The following PPP2R2C variants were observed in gnomAD, a reference collection of about 807,000 sequenced individuals.
PPP2R2C encodes the protein protein phosphatase 2, regulatory subunit B, gamma.
A neutral mutation model predicts 45.3 loss-of-function variants in PPP2R2C; 10 were observed. The observed-to-expected ratio is 0.22, with a 90% CI of 0.14 to 0.37. The LOEUF (loss-of-function observed/expected upper bound fraction) is 0.37, where lower values mean the gene tolerates loss of function less well. Ranked by LOEUF, PPP2R2C falls within the 10% of genes least tolerant of loss-of-function variation. The pLI, the probability that PPP2R2C is intolerant of heterozygous loss-of-function variation, is 1.00. For synonymous variants in PPP2R2C, 257 were observed against 245.4 expected, an observed-to-expected ratio of 1.05 and a Z score of -0.44; for missense variants, 308 against 619.7, an observed-to-expected ratio of 0.50 and a Z score of 5.34.
At chr4:6,463,365 G>C (rs1026757419) in intron 1 of PPP2R2C, among the ~76,000 whole-genome samples, 45 of 152,332 alleles carry the variant, frequency 3.0e-4, no homozygotes, top group African/African-American at 9.9e-4. Flanking sequence ...GAGGAGGGGT[G>C]GGGGTGGGGC....
chr4:6,434,364 TTTTTTTTTTTTG>T (rs1191477989), intron 1 of PPP2R2C, among the ~76,000 whole-genome samples: 2 of 139,564 alleles, frequency 1.4e-5, no homozygotes, highest in East Asian at 4.1e-4. Context: ...CTTTTCTTTT[TTTTTTTTTTTTG>T]GAGACAGAGT....
intron 2 of PPP2R2C, among the ~76,000 whole-genome samples, chr4:6,512,192 T>G (rs1403968255): frequency 2.4e-5 from 2 of 84,854 alleles, no homozygotes; most frequent in African/African-American, 1.2e-4. Context: ...GTGGTGGTGG[T>G]GGTGGTGATG....
intron 5 of PPP2R2C, among the ~76,000 whole-genome samples, chr4:6,358,410 C>A (rs1158743918): frequency 6.6e-6 from 1 of 151,768 alleles, no homozygotes; most frequent in Non-Finnish European, 1.5e-5. Context: ...CAATACCATT[C>A]AGGACATAGG....
chr4:6,511,363 GTGGTGGTGGCGGTGA>G (rs1180048441), intron 2 of PPP2R2C, among the ~76,000 whole-genome samples: 3 of 151,264 alleles, frequency 2.0e-5, no homozygotes, highest in African/African-American at 7.3e-5. Flanking sequence ...GATGGTAATG[GTGGTGGTGGCGGTGA>G]TGGTGGTGAT....
chr4:6,471,538 G>A lies in PPP2R2C; in HGVS notation c.70+622C>T, dbSNP rs142607373. 9.7e-3 allele frequency: 1,474 copies of A among 152,376 alleles called. 19 individuals are homozygous for A. Among genetic ancestry groups the A allele is most frequent in the Admixed American group, 0.014 (220 of 15,304 alleles). 9.4% of individuals were successfully genotyped at this position (152,376 alleles called of 1,614,324 possible). On this transcript the variant is annotated intron_variant, in intron 1 of 8. Coordinates refer to ENST00000382599, the MANE Select transcript of PPP2R2C (RefSeq NM_020416.4). The surrounding 1 kb of genome is among the most constrained non-coding windows in gnomAD (Gnocchi z 5.6). ...TTGGAAAATCCCGACAGTTAGCCCA[G>A]CTGCTCCTGTCTCAATATAACTCAC...
chr4:6,340,265 G>A (rs1423571109), intron 6 of PPP2R2C, among the ~76,000 whole-genome samples: 2 of 152,048 alleles, frequency 1.3e-5, no homozygotes, highest in African/African-American at 2.4e-5. Context: ...CCAGCCACAC[G>A]GGTCCTGACG....
At chr4:6,527,522 C>A (rs1724253666) in intron 2 of PPP2R2C, among the ~76,000 whole-genome samples, 1 of 152,208 alleles carries the variant, frequency 6.6e-6, no homozygotes, top group Non-Finnish European at 1.5e-5. Context: ...CATGAGAATA[C>A]CATGAGAACA....
intron 1 of PPP2R2C, among the ~76,000 whole-genome samples, chr4:6,426,273 G>A (rs1217289923): frequency 1.3e-5 from 2 of 152,180 alleles, no homozygotes; most frequent in Non-Finnish European, 2.9e-5. Flanking sequence ...GGAGGCGGTC[G>A]GAGACGGCCT....
At chr4:6,347,142 C>A (rs994736284) in intron 6 of PPP2R2C, among the ~76,000 whole-genome samples, 1 of 152,154 alleles carries the variant, frequency 6.6e-6, no homozygotes, top group African/African-American at 2.4e-5. Flanking sequence ...TGACCTTGGG[C>A]CAATAACTGG....
chr4:6,408,438 CAA>C (rs1717946463), intron 1 of PPP2R2C, among the ~76,000 whole-genome samples: 1 of 152,140 alleles, frequency 6.6e-6, no homozygotes, highest in Admixed American at 6.5e-5. Context: ...TAGAGGCAGC[CAA>C]TCACCAGGCC....
intron 2 of PPP2R2C, among the ~76,000 whole-genome samples, chr4:6,496,452 A>G (rs1055862865): frequency 6.6e-6 from 1 of 152,146 alleles, no homozygotes; most frequent in African/African-American, 2.4e-5. Flanking sequence ...ACACCCACCT[A>G]CAATCAACAT....
chr4:6,489,875 G>A (rs1281479675), intron 2 of PPP2R2C, among the ~76,000 whole-genome samples: 2 of 152,186 alleles, frequency 1.3e-5, no homozygotes, highest in African/African-American at 4.8e-5. Flanking sequence ...TAATACCAAA[G>A]AGAAATGGAT....
chr4:6,498,038 G>A (rs1213434793), intron 2 of PPP2R2C, among the ~76,000 whole-genome samples: 6 of 152,176 alleles, frequency 3.9e-5, no homozygotes, highest in Admixed American at 2.0e-4. Context: ...TAAAGCTGAC[G>A]TGCACACCCA....
chr4:6,436,226 G>A (rs1719887012), intron 1 of PPP2R2C, among the ~76,000 whole-genome samples: 2 of 152,184 alleles, frequency 1.3e-5, no homozygotes, highest in African/African-American at 4.8e-5. Context: ...CCAATCTATG[G>A]TATTCTGCTA....
At chr4:6,367,469 T>C (rs996070732) in intron 5 of PPP2R2C, among the ~76,000 whole-genome samples, 4 of 152,050 alleles carry the variant, frequency 2.6e-5, no homozygotes, top group Non-Finnish European at 5.9e-5. Context: ...CCCTGGGTTT[T>C]TCTTGTCAGG....
At chr4:6,516,695 G>A (rs996257568) in intron 2 of PPP2R2C, among the ~76,000 whole-genome samples, 1 of 152,210 alleles carries the variant, frequency 6.6e-6, no homozygotes, top group Non-Finnish European at 1.5e-5. Context: ...CCATTTGCTA[G>A]CCTGCACTTT....
intron 1 of PPP2R2C, chr4:6,382,886 T>G: frequency 9.1e-7 from 1 of 1,097,102 alleles, no homozygotes; most frequent in Non-Finnish European, 1.1e-6. Context: ...GGCACTCCCC[T>G]GCTCAAAACC....
chr4:6,415,236 C>T (rs1577163561), intron 1 of PPP2R2C, among the ~76,000 whole-genome samples: 1 of 152,334 alleles, frequency 6.6e-6, no homozygotes, highest in East Asian at 1.9e-4. Flanking sequence ...CTGTTACAGC[C>T]GGCCTGGGGG....
intron 2 of PPP2R2C, among the ~76,000 whole-genome samples, chr4:6,524,801 A>C (rs536651135): frequency 1.1e-3 from 174 of 152,334 alleles, no homozygotes; most frequent in Non-Finnish European, 2.0e-3. Flanking sequence ...TTGAAAAATA[A>C]AAATAGGCCG....
Sources: gnomAD v4.1 joint callset for allele counts (sites outside exome capture counted in the v4.1 genomes callset) on GRCh38, gnomAD v4.1.1 for gene constraint, Gnocchi (gnomAD v3.1) non-coding constraint, MANE v1.5 for transcripts, NCBI Gene and HGNC (gene_info 2026-07-23, HGNC 2026-07-21) for gene names.